LPP: variants seen among roughly 807,000 people sequenced by gnomAD.
LPP encodes lipoma-preferred partner.
In LPP, 38 loss-of-function variants were observed where a neutral mutation model predicts 60.4. That is an observed-to-expected ratio of 0.63 (90% CI 0.49 to 0.83). The LOEUF (loss-of-function observed/expected upper bound fraction) is 0.83. LPP is among the 40% of genes least tolerant of loss of function. The pLI is 0.00. For missense variants in LPP, 902 were observed against 783.6 expected, an observed-to-expected ratio of 1.15 and a Z score of -1.80; for synonymous variants, 328 against 290.8, an observed-to-expected ratio of 1.13 and a Z score of -1.30.
rs10566349 is a variant in LPP, at chr3:188,624,705, T to TTTTCCC, written c.1113+14894_1113+14899dup. Among the ~76,000 whole-genome samples the TTTTCCC allele has an allele frequency of 1.9e-3, 131 of 68,442 alleles. 1 individual carries two copies. Among genetic ancestry groups the TTTTCCC allele is most frequent in the Middle Eastern group, 6.1e-3 (1 of 164 alleles). The allele number at this position is 68,442 out of a possible 152,430, so 44.9% of individuals were successfully genotyped here. A position where few individuals can be genotyped will look rare whatever the true frequency, so the allele number is the denominator to read the frequency against. On this transcript the variant is annotated intron_variant, in intron 7 of 11. Coordinates refer to ENST00000617246, the MANE Select transcript of LPP (RefSeq NM_001375462.1). ...TCCCTCCTTCCCTTCCCTTCCTTCCTTTTCCCTTTCCCTTTCCCTTTCCCT... is the reference window on the plus strand; with the variant it reads ...TCCCTCCTTCCCTTCCCTTCCTTCCTTTTCCCTTTCCCTTTCCCTTTCCCTTTCCCT...
intron 4 of LPP, among the ~76,000 whole-genome samples, chr3:188,435,664 A>T (rs1792111287): frequency 1.3e-5 from 2 of 152,128 alleles, no homozygotes; most frequent in South Asian, 4.1e-4. Flanking sequence ...TAAACCATGG[A>T]AATACCCCAC....
chr3:188,192,047 G>A (rs1728327570), intron 1 of LPP, among the ~76,000 whole-genome samples: 1 of 152,164 alleles, frequency 6.6e-6, no homozygotes, highest in African/African-American at 2.4e-5. Context: ...ATTTGGCAAT[G>A]AGTAAGGGAA....
intron 2 of LPP, among the ~76,000 whole-genome samples, chr3:188,337,704 T>C (rs886517834): frequency 6.6e-6 from 1 of 152,242 alleles, no homozygotes; most frequent in Non-Finnish European, 1.5e-5. Flanking sequence ...TTCCCTATGT[T>C]GCCCAGGCTG....
At chr3:188,346,465 A>G (rs1368704777) in intron 3 of LPP, among the ~76,000 whole-genome samples, 1 of 148,890 alleles carries the variant, frequency 6.7e-6, no homozygotes, top group Non-Finnish European at 1.5e-5. Context: ...GGGTTTCACC[A>G]TGTTGGTCAG....
intron 3 of LPP, among the ~76,000 whole-genome samples, chr3:188,381,864 G>A (rs1185523456): frequency 6.6e-6 from 1 of 151,834 alleles, no homozygotes; most frequent in Non-Finnish European, 1.5e-5. Flanking sequence ...TTGCTCTATT[G>A]CCCATGTTCC....
intron 4 of LPP, among the ~76,000 whole-genome samples, chr3:188,468,437 CA>C (rs1447486597): frequency 1.3e-5 from 2 of 152,114 alleles, no homozygotes; most frequent in Admixed American, 1.3e-4. Flanking sequence ...TCTACAAAAA[CA>C]GGAGGTGGTC....
At chr3:188,758,590 G>A (rs758788164) in intron 8 of LPP, 1 of 152,208 alleles carries the variant, frequency 6.6e-6, no homozygotes, top group Non-Finnish European at 1.5e-5. Context: ...GAGAGGATTA[G>A]AAATAAATTT....
At chr3:188,520,009 C>T (rs534126434) in intron 5 of LPP, among the ~76,000 whole-genome samples, 17 of 152,152 alleles carry the variant, frequency 1.1e-4, no homozygotes, top group African/African-American at 2.7e-4. Flanking sequence ...TTCATTCACA[C>T]GCTGTACATT....
In LPP at chr3:188,580,407, G is replaced by C. The variant is rs12497201; in HGVS notation, c.430-28754G>C. 0.016 allele frequency among the ~76,000 whole-genome samples: 2,494 copies of C among 152,126 alleles called. 143 individuals carry two copies. The East Asian group carries it at 0.17, about 10-fold the overall frequency. On this transcript the variant is annotated intron_variant, in intron 6 of 11. Transcript: ENST00000617246. ...ATTTTGATGACCTCATTGTCTATAC[G>C]AGTATTAAGACATTTGGGGTAGCTT...
At chr3:188,756,803 A>G (rs1462702678) in intron 8 of LPP, among the ~76,000 whole-genome samples, 1 of 152,236 alleles carries the variant, frequency 6.6e-6, no homozygotes, top group Non-Finnish European at 1.5e-5. Flanking sequence ...GAGAGGCAGC[A>G]AAACTGGCCT....
chr3:188,243,289 T>C (rs141814066), intron 2 of LPP, among the ~76,000 whole-genome samples: 1 of 152,304 alleles, frequency 6.6e-6, no homozygotes, highest in African/African-American at 2.4e-5. Flanking sequence ...GTTTCTACCG[T>C]TCCCCCTACC....
At chr3:188,497,329 C>T (rs7627838) in intron 5 of LPP, among the ~76,000 whole-genome samples, 10,680 of 152,126 alleles carry the variant, frequency 0.07, 656 homozygotes, top group African/African-American at 0.16. Context: ...CATGTCCTGC[C>T]TTCTGGGCTT....
At chr3:188,669,590 TAA>T (rs1856546991) in intron 7 of LPP, among the ~76,000 whole-genome samples, 2 of 151,658 alleles carry the variant, frequency 1.3e-5, no homozygotes, top group Non-Finnish European at 2.9e-5. Flanking sequence ...AAATAAAAAA[TAA>T]AAGTCAGGAA....
chr3:188,709,349 TA>T (rs1214976697), intron 8 of LPP: 1 of 151,986 alleles, frequency 6.6e-6, no homozygotes, highest in East Asian at 1.9e-4. Context: ...ATTTTATTTT[TA>T]TTTTATTTTA....
At chr3:188,847,249 G>C (rs1761659814) in intron 9 of LPP, among the ~76,000 whole-genome samples, 2 of 152,170 alleles carry the variant, frequency 1.3e-5, no homozygotes, top group Non-Finnish European at 2.9e-5. Context: ...CCCAGGGTCA[G>C]AAAGATCACT....
intron 4 of LPP, among the ~76,000 whole-genome samples, chr3:188,430,523 C>T (rs191002890): frequency 6.6e-6 from 1 of 152,196 alleles, no homozygotes; most frequent in East Asian, 1.9e-4. Flanking sequence ...TAAACTCAAC[C>T]TATACAATTA....
At chr3:188,691,747 T>G (rs556439795) in intron 7 of LPP, among the ~76,000 whole-genome samples, 12 of 152,238 alleles carry the variant, frequency 7.9e-5, no homozygotes, top group Non-Finnish European at 1.6e-4. Context: ...TATTCTTATT[T>G]TCTCTATACT....
At chr3:188,657,261 T>TATATATATATATATATATATATA (rs1251716839) in intron 7 of LPP, among the ~76,000 whole-genome samples, 68 of 126,162 alleles carry the variant, frequency 5.4e-4, no homozygotes, top group East Asian at 9.5e-4. Flanking sequence ...TCAAGGTGTA[T>TATATATATATATATATATATATA]ATATATATAT....
intron 3 of LPP, among the ~76,000 whole-genome samples, chr3:188,375,684 GT>G (rs1201366407): frequency 6.6e-5 from 10 of 152,064 alleles, no homozygotes; most frequent in African/African-American, 1.9e-4. Flanking sequence ...TTTTTGAAGG[GT>G]TTTTTTGTGT....
Sources: allele counts gnomAD v4.1 joint callset (sites outside exome capture counted in the v4.1 genomes callset), GRCh38; gene constraint gnomAD v4.1.1; transcripts MANE v1.5; gene names NCBI Gene and HGNC (gene_info 2026-07-23, HGNC 2026-07-21).